Variants in YIF1B observed in about 807,000 individuals in gnomAD.
YIF1B encodes Yip1 interacting factor homolog B, membrane trafficking protein, also known as protein YIF1B.
A neutral mutation model predicts 34.6 loss-of-function variants in YIF1B; 24 were observed. The observed-to-expected ratio is 0.69, with a 90% CI of 0.50 to 0.98. The LOEUF (loss-of-function observed/expected upper bound fraction) is 0.98, where lower values mean the gene tolerates loss of function less well. Among genes scored for constraint, YIF1B ranks in the 50% least tolerant of loss-of-function variants. The pLI is 0.00. For missense variants in YIF1B, 368 were observed against 429.4 expected, an observed-to-expected ratio of 0.86 and a Z score of 1.26; for synonymous variants, 186 against 184.8, an observed-to-expected ratio of 1.01 and a Z score of -0.05.
chr19:38,304,615 T>A lies in YIF1B; in HGVS notation c.*737A>T. 6.2e-7 allele frequency: 1 copy of A among 1,613,236 alleles called. No homozygotes were observed. The highest frequency in any genetic ancestry group is 1.3e-5 in the African/African-American group (1 of 74,988). ...AGGGGCGCCGCCTCACTGCCGCACC[T>A]CCATCCAGCAAGGACACCACAGCTC... On this transcript the variant is annotated 3_prime_UTR_variant, in exon 8 of 8. Coordinates refer to ENST00000339413, the MANE Select transcript of YIF1B (RefSeq NM_001039672.3).
chr19:38,318,330 C>T (rs1969606910), upstream of YIF1B, among the ~76,000 whole-genome samples: 1 of 151,066 alleles, frequency 6.6e-6, no homozygotes, highest in Admixed American at 6.6e-5. Flanking sequence ...ATCACCCATA[C>T]TGGAGTGCAG....
At chr19:38,313,024 TCAC>T (rs1393250184) in intron 1 of YIF1B, among the ~76,000 whole-genome samples, 6 of 152,018 alleles carry the variant, frequency 3.9e-5, no homozygotes, top group African/African-American at 1.5e-4. Flanking sequence ...CGATCTCGGC[TCAC>T]CACAACCTCC....
rs1485694250 is a variant in YIF1B at position 38,309,611 on chromosome 19, C to T, written c.91G>A (p.Gly31Ser). The change falls in exon 2 of 8, where the codon GGC becomes AGC. Residue 31 changes from glycine (G) to serine (S), a missense_variant. Gly to Ser is a moderately conservative substitution (Grantham distance 56). Transcript: ENST00000339413. ...SKRRIPVSQP[G>S]MADPHQLFDD... ...AAAAGCTGGTGGGGGTCGGCCATGC[C>T]CGGCTGGGACACAGGGATCCTCCGC... The T allele has an allele frequency of 5.0e-6, 8 of 1,599,280 alleles. No homozygotes were observed. Among genetic ancestry groups the T allele is most frequent in the Non-Finnish European group, 6.8e-6 (8 of 1,173,764 alleles).
Position 38,304,805 on chromosome 19 carries a change from AACC to A in YIF1B, c.*544_*546del. The A allele has an allele frequency of 6.2e-7, 1 of 1,613,464 alleles. No homozygotes were observed. Among genetic ancestry groups the A allele is most frequent in the Non-Finnish European group, 8.5e-7 (1 of 1,179,906 alleles). The stretch of plus-strand genomic sequence containing the variant: ...TCCCCCTGTCTCGCTTCCAGCCCAG[AACC>A]ATCTCTTCTCTCCCATCCCTGCCCT... On this transcript the variant is annotated 3_prime_UTR_variant, in exon 8 of 8. Transcript: ENST00000339413.
chr19:38,305,280 G>A lies in YIF1B; in HGVS notation c.*72C>T. On this transcript the variant is annotated 3_prime_UTR_variant, in exon 8 of 8. Coordinates refer to ENST00000339413, the MANE Select transcript of YIF1B (RefSeq NM_001039672.3). ...ACAGGGTGGACCTTGGGGCCTGCAG[G>A]CAGGAGATGAGTTCGGCGGCCACAG... The A allele has an allele frequency of 2.6e-6, 4 of 1,547,296 alleles. No individual in the cohort carries two copies. The highest frequency in any genetic ancestry group is 1.7e-6 in the Non-Finnish European group (2 of 1,145,736).
At chr19:38,320,685 A>T (rs1969641861), upstream of YIF1B, among the ~76,000 whole-genome samples, 1 of 151,716 alleles carries the variant, frequency 6.6e-6, no homozygotes, top group Non-Finnish European at 1.5e-5. Context: ...CAGCCTGCCG[A>T]GTAGCTGGGA....
In YIF1B at chr19:38,304,657, A is replaced by G; in HGVS notation, c.*695T>C. 1 of 1,613,670 alleles carries G rather than the reference A, an allele frequency of 6.2e-7. No homozygotes were observed. The highest frequency in any genetic ancestry group is 8.5e-7 in the Non-Finnish European group (1 of 1,180,000). ...CCACAGCTCTTCCGACTCCAGCAGC[A>G]GCTCCAGCGATTCGGACACGGATGT... On this transcript the variant is annotated 3_prime_UTR_variant, in exon 8 of 8. Transcript: ENST00000339413.
chr19:38,318,193 C>CAAAAAAAAAAA (rs35748833), upstream of YIF1B, among the ~76,000 whole-genome samples: 24 of 29,896 alleles, frequency 8.0e-4, 4 homozygotes, highest in Admixed American at 2.7e-3. Flanking sequence ...ACTCTTGTCT[C>CAAAAAAAAAAA]AAAAAAAAAA....
At chr19:38,320,131 G>T, upstream of YIF1B, 1 of 1,588,916 alleles carries the variant, frequency 6.3e-7, no homozygotes, top group Non-Finnish European at 8.5e-7. Flanking sequence ...CGCCCTGGAC[G>T]CCTTCGTGGA....
chr19:38,305,492 G>A lies in YIF1B; in HGVS notation c.805C>T (p.Leu269=), dbSNP rs1277240010. Residue 269 remains leucine (L), a synonymous_variant, in exon 8 of 8, where the codon CTG becomes TTG. Coordinates refer to ENST00000339413, the MANE Select transcript of YIF1B (RefSeq NM_001039672.3). ...IFVFMIRTLR[L]KILADAAAEG... is the part of the protein sequence containing the mutation. ...GCTGCTGCGTCTGCCAAGATCTTCA[G>A]CCGCAGCGTCCGGATCTGGGTGGGA... is the stretch of plus-strand genomic sequence containing the variant. 3 of 1,605,468 alleles carry A rather than the reference G, an allele frequency of 1.9e-6. No homozygotes were observed. In the African/African-American group the frequency reaches 4.0e-5, roughly 21 times the overall value.
intron 1 of YIF1B, chr19:38,315,381 A>T: frequency 4.3e-6 from 5 of 1,155,926 alleles, no homozygotes; most frequent in Non-Finnish European, 4.3e-6. Context: ...GGGAGTTGAG[A>T]CAAGTTAGGT....
upstream of YIF1B, among the ~76,000 whole-genome samples, chr19:38,316,639 T>A (rs1969562797): frequency 6.6e-6 from 1 of 152,192 alleles, no homozygotes; most frequent in Non-Finnish European, 1.5e-5. Flanking sequence ...CCTGAGGGGC[T>A]AATTGGAGTT....
At chr19:38,313,251 C>A (rs111708530) in intron 1 of YIF1B, among the ~76,000 whole-genome samples, 1 of 149,748 alleles carries the variant, frequency 6.7e-6, no homozygotes, top group Non-Finnish European at 1.5e-5. Context: ...CAGTGCCTGA[C>A]CCAGAGTGAT....
At chr19:38,314,032 T>C (rs2145020699) in intron 1 of YIF1B, among the ~76,000 whole-genome samples, 1 of 152,254 alleles carries the variant, frequency 6.6e-6, no homozygotes, top group Middle Eastern at 3.4e-3. Flanking sequence ...CTCTCTCTTT[T>C]TTTTCTTTTC....
intron 1 of YIF1B, chr19:38,315,497 G>A (rs967850276): frequency 3.7e-4 from 521 of 1,403,244 alleles, no homozygotes; most frequent in Middle Eastern, 1.1e-3. Context: ...GGTAGGCATG[G>A]CCCTCTGCGC....
chr19:38,311,192 T>A, intron 1 of YIF1B, among the ~76,000 whole-genome samples: 1 of 149,878 alleles, frequency 6.7e-6, no homozygotes. Context: ...GAGGCCAAGG[T>A]GGGAGGATCG....
At position 38,315,925 on chromosome 19, in the gene YIF1B, C is replaced by T. The variant is rs1364893757; in HGVS notation, c.-8G>A. On this transcript the variant is annotated 5_prime_UTR_variant, in exon 1 of 8. Transcript: ENST00000339413. ...CAAGCCTGCCGGGTGCATCCTTCGCCGCCGCCACCTAAGCCGCGGTTCGGA... is the reference window on the plus strand; with the variant it reads ...CAAGCCTGCCGGGTGCATCCTTCGCTGCCGCCACCTAAGCCGCGGTTCGGA... 2.8e-6 allele frequency: 4 copies of T among 1,453,888 alleles called. No homozygotes were observed. The highest frequency in any genetic ancestry group is 2.7e-5 in the Admixed American group (1 of 36,696). 90.1% of individuals were successfully genotyped at this position (1,453,888 alleles called of 1,614,324 possible).
At chr19:38,309,098 C>T in intron 3 of YIF1B, 41 bp from the exon 4 acceptor site, 1 of 1,553,888 alleles carries the variant, frequency 6.4e-7, no homozygotes. Flanking sequence ...CAGAGCCAGG[C>T]CCCTCCCACC....
Position 38,307,616 on chromosome 19 carries a change from A to G in YIF1B, c.676T>C (p.Leu226=), listed in dbSNP as rs778288481. The G allele has an allele frequency of 6.2e-7, 1 of 1,613,876 alleles. No individual in the cohort carries two copies. The highest frequency in any genetic ancestry group is 8.5e-7 in the Non-Finnish European group (1 of 1,179,992). Residue 226 remains leucine (L), a synonymous_variant, in exon 6 of 8, where the codon TTG becomes CTG. Coordinates refer to ENST00000339413, the MANE Select transcript of YIF1B (RefSeq NM_001039672.3). ...ACTCACCCGACATATTTGTAGCCCAAGAAGGCCACCAGGTCGATGGTGGTG... is the reference window on the plus strand; with the variant it reads ...ACTCACCCGACATATTTGTAGCCCAGGAAGGCCACCAGGTCGATGGTGGTG... ...DLTTIDLVAF[L]GYKYVGMIGG...
Sources: allele counts gnomAD v4.1 joint callset (sites outside exome capture counted in the v4.1 genomes callset), GRCh38; gene constraint gnomAD v4.1.1; transcripts MANE v1.5; gene names NCBI Gene and HGNC (gene_info 2026-07-23, HGNC 2026-07-21).